The following NEK6 variants were observed in gnomAD, a reference collection of about 807,000 sequenced individuals.
NEK6 encodes serine/threonine-protein kinase Nek6.
NEK6 carries 27 observed loss-of-function variants against 43.5 expected under a neutral mutation model. The ratio of observed to expected loss-of-function variants is 0.62; its 90% CI spans 0.46 to 0.86. The LOEUF (loss-of-function observed/expected upper bound fraction) is 0.86, where lower values mean the gene tolerates loss of function less well. NEK6 is among the 40% of genes least tolerant of loss of function. The probability of loss-of-function intolerance (pLI) is 0.00; values close to 1 mark genes in which losing one functional copy is unlikely to be tolerated. For synonymous variants in NEK6, 167 were observed against 164.1 expected (o/e 1.02, Z -0.14); for missense variants, 318 against 414.4 (o/e 0.77, Z 2.02).
chr9:124,330,842 C>T (rs1828943622), intron 7 of NEK6, among the ~76,000 whole-genome samples: 1 of 152,036 alleles, frequency 6.6e-6, no homozygotes, highest in Admixed American at 6.6e-5. Flanking sequence ...TGATTCTATA[C>T]AGAGCCCCAG....
At chr9:124,347,395 G>T (rs951249115) in intron 8 of NEK6, among the ~76,000 whole-genome samples, 1 of 152,258 alleles carries the variant, frequency 6.6e-6, no homozygotes, top group Admixed American at 6.5e-5. Context: ...TGGAGCCTGG[G>T]TCCCCCGGGC....
At chr9:124,272,961 A>C (rs1831509024) in intron 1 of NEK6, among the ~76,000 whole-genome samples, 1 of 152,126 alleles carries the variant, frequency 6.6e-6, no homozygotes, top group Non-Finnish European at 1.5e-5. Context: ...AGAAAAACCA[A>C]AGATTCTGCT....
intron 8 of NEK6, among the ~76,000 whole-genome samples, chr9:124,345,200 C>T (rs1238520729): frequency 6.6e-6 from 1 of 152,122 alleles, no homozygotes; most frequent in Non-Finnish European, 1.5e-5. Context: ...CTAACGAGGC[C>T]CCAGACAGTG....
intron 2 of NEK6, among the ~76,000 whole-genome samples, chr9:124,305,690 A>G (rs1270708851): frequency 6.6e-6 from 1 of 151,964 alleles, no homozygotes; most frequent in Non-Finnish European, 1.5e-5. Flanking sequence ...CAGTCTGCTG[A>G]GAAGCTCTGC....
At chr9:124,320,932 A>C (rs995728770) in intron 4 of NEK6, among the ~76,000 whole-genome samples, 2 of 152,240 alleles carry the variant, frequency 1.3e-5, no homozygotes, top group African/African-American at 4.8e-5. Flanking sequence ...TCTCTACAAA[A>C]AAATATTTTA....
chr9:124,267,407 G>A (rs1338404203), intron 1 of NEK6, among the ~76,000 whole-genome samples: 2 of 152,184 alleles, frequency 1.3e-5, no homozygotes, highest in Non-Finnish European at 2.9e-5. Context: ...TGGGCACGGC[G>A]TGCCGGACTG....
intron 8 of NEK6, 106 bp from the exon 9 acceptor site, chr9:124,347,603 G>C (rs1830007558): frequency 1.5e-6 from 1 of 668,348 alleles, no homozygotes; most frequent in Non-Finnish European, 2.5e-6. Context: ...CCGCGGTCGG[G>C]ACCAGAGAGA....
Position 124,339,673 on chromosome 9 carries a change from T to A in NEK6, c.717+8T>A. ...GGCTGTCTGCTGTACGAGGTGAGTC[T>A]CTGTCCGTGGCTCAGCAGCATTTGG... On this transcript the variant is annotated splice_region_variant and intron_variant, in intron 8 of 9. Coordinates refer to ENST00000320246, the MANE Select transcript of NEK6 (RefSeq NM_014397.6). The A allele has an allele frequency of 6.2e-7, 1 of 1,600,438 alleles. No homozygotes were observed. Among genetic ancestry groups the A allele is most frequent in the Non-Finnish European group, 8.6e-7 (1 of 1,167,408 alleles).
chr9:124,309,070 C>T (rs894163564), intron 2 of NEK6, among the ~76,000 whole-genome samples: 3 of 152,184 alleles, frequency 2.0e-5, no homozygotes, highest in Non-Finnish European at 4.4e-5. Context: ...AGGCAGCTGC[C>T]CCCAGGAGCC....
At chr9:124,301,871 G>C (rs555455092) in intron 1 of NEK6, 65 bp from the exon 2 acceptor site, 2 of 1,341,464 alleles carry the variant, frequency 1.5e-6, no homozygotes, top group Non-Finnish European at 2.1e-6. Context: ...TGGGGTGAGC[G>C]AAAGTCCCTC....
chr9:124,333,676 T>A (rs1189439578), intron 7 of NEK6, among the ~76,000 whole-genome samples: 1 of 151,850 alleles, frequency 6.6e-6, no homozygotes, highest in Non-Finnish European at 1.5e-5. Context: ...GTTCCACCCC[T>A]GGAGATTGTG....
chr9:124,334,061 G>A (rs1829166849), intron 7 of NEK6, among the ~76,000 whole-genome samples: 1 of 152,208 alleles, frequency 6.6e-6, no homozygotes. Flanking sequence ...ACAGGCGTGA[G>A]CCACCACGCC....
chr9:124,323,007 C>T (rs796524441), intron 5 of NEK6, among the ~76,000 whole-genome samples: 20 of 150,962 alleles, frequency 1.3e-4, no homozygotes, highest in African/African-American at 4.6e-4. Context: ...TCCTCTCCCC[C>T]GCCCCCGCTT....
chr9:124,348,182 T>C (rs1441674105), intron 9 of NEK6, among the ~76,000 whole-genome samples: 2 of 152,188 alleles, frequency 1.3e-5, no homozygotes, highest in African/African-American at 2.4e-5. Context: ...GGGCAGGATG[T>C]GGCAGGCCTG....
At chr9:124,268,239 C>A in intron 1 of NEK6, among the ~76,000 whole-genome samples, 1 of 152,192 alleles carries the variant, frequency 6.6e-6, no homozygotes, top group Non-Finnish European at 1.5e-5. Flanking sequence ...TAATTTGGAC[C>A]AGCAGATAGG....
intron 1 of NEK6, among the ~76,000 whole-genome samples, chr9:124,271,443 G>A (rs895172456): frequency 6.6e-6 from 1 of 152,250 alleles, no homozygotes; most frequent in Non-Finnish European, 1.5e-5. Context: ...AGGAGGCTCA[G>A]GTGAGGGGTA....
chr9:124,332,418 G>T (rs774209282), intron 7 of NEK6, among the ~76,000 whole-genome samples: 4 of 152,230 alleles, frequency 2.6e-5, no homozygotes, highest in African/African-American at 9.6e-5. Context: ...GAGAGTTTCT[G>T]TTCTCAGCCA....
intron 1 of NEK6, among the ~76,000 whole-genome samples, chr9:124,274,606 C>T (rs1205899580): frequency 6.6e-6 from 1 of 152,234 alleles, no homozygotes; most frequent in East Asian, 1.9e-4. Context: ...TGTCAGCAGC[C>T]TGTCCCAGCA....
chr9:124,287,486 C>T (rs4838151), intron 1 of NEK6, among the ~76,000 whole-genome samples: 18,263 of 152,212 alleles, frequency 0.12, 1,402 homozygotes, highest in Non-Finnish European at 0.17. Flanking sequence ...GGTTGTCATG[C>T]GGCTCCCTAT....
Sources: gnomAD v4.1 joint callset for allele counts (sites outside exome capture counted in the v4.1 genomes callset) on GRCh38, gnomAD v4.1.1 for gene constraint, MANE v1.5 for transcripts, NCBI Gene and HGNC (gene_info 2026-07-23, HGNC 2026-07-21) for gene names.